The following RNF125 variants were observed in gnomAD, a reference collection of about 807,000 sequenced individuals.
The protein encoded by RNF125 is E3 ubiquitin-protein ligase RNF125.
Under a neutral mutation model 26.0 loss-of-function variants are expected in RNF125, and 21 were observed. The observed-to-expected ratio is 0.81, with a 90% CI of 0.57 to 1.16. RNF125 has a LOEUF of 1.16. Ranked by LOEUF, RNF125 falls within the 50% of genes most tolerant of loss-of-function variation. The pLI is 0.00. For synonymous variants in RNF125, 95 were observed against 109.2 expected (o/e 0.87, Z 0.81); for missense variants, 270 against 299.4 (o/e 0.90, Z 0.72).
At chr18:32,039,144 G>A (rs1485322065) in intron 2 of RNF125, among the ~76,000 whole-genome samples, 3 of 149,964 alleles carry the variant, frequency 2.0e-5, no homozygotes, top group Non-Finnish European at 3.0e-5. Context: ...GCTCATGCCT[G>A]TAATCCCAGC....
At position 32,068,283 on chromosome 18, in the gene RNF125, T is replaced by G; in HGVS notation, c.613-15T>G. ...ATTGACTCTGAATATTTCTAATTATTTTTCTTTATTGTAGGATTTTAATAT... is the reference window on the plus strand; with the variant it reads ...ATTGACTCTGAATATTTCTAATTATGTTTCTTTATTGTAGGATTTTAATAT... On this transcript the variant is annotated splice_polypyrimidine_tract_variant and intron_variant, in intron 5 of 5. Transcript: ENST00000217740. The G allele has an allele frequency of 7.2e-7, 1 of 1,383,754 alleles. No homozygotes were observed. Among genetic ancestry groups the G allele is most frequent in the Non-Finnish European group, 1.0e-6 (1 of 973,576 alleles). The allele number at this position is 1,383,754 out of a possible 1,614,324, so 85.7% of individuals were successfully genotyped here.
intron 2 of RNF125, among the ~76,000 whole-genome samples, chr18:32,040,451 T>C (rs1330090854): frequency 6.6e-6 from 1 of 151,826 alleles, no homozygotes; most frequent in Non-Finnish European, 1.5e-5. Context: ...TTTGTATCTT[T>C]AGTAGAGAGG....
chr18:32,048,922 T>C (rs907564931), intron 4 of RNF125, among the ~76,000 whole-genome samples: 1 of 152,178 alleles, frequency 6.6e-6, no homozygotes, highest in African/African-American at 2.4e-5. Flanking sequence ...TTTACTGAGT[T>C]ATAAGTATTT....
intron 1 of RNF125, chr18:32,030,984 C>T (rs1311608718): frequency 6.6e-6 from 1 of 152,196 alleles, no homozygotes; most frequent in Non-Finnish European, 1.5e-5. Flanking sequence ...AAAGCCACTT[C>T]TGCAAGAACT....
the RNF125 span, among the ~76,000 whole-genome samples, chr18:32,081,653 G>A: frequency 2.0e-5 from 3 of 151,982 alleles, 1 homozygote; most frequent in Non-Finnish European, 4.4e-5. Flanking sequence ...TAAGGTACTG[G>A]GGTTAGAACT....
intron 1 of RNF125, among the ~76,000 whole-genome samples, chr18:32,028,690 C>A (rs2039064227): frequency 6.7e-6 from 1 of 150,002 alleles, no homozygotes; most frequent in South Asian, 2.1e-4. Context: ...GTAGCTGGGA[C>A]TACAGGTGTG....
intron 4 of RNF125, among the ~76,000 whole-genome samples, chr18:32,049,670 C>T (rs1022332986): frequency 1.3e-5 from 2 of 151,958 alleles, no homozygotes; most frequent in Non-Finnish European, 2.9e-5. Flanking sequence ...GCTATCATGG[C>T]CTTGAAGCAG....
downstream of RNF125, among the ~76,000 whole-genome samples, chr18:32,073,468 C>T (rs2144526789): frequency 6.6e-6 from 1 of 152,278 alleles, no homozygotes; most frequent in African/African-American, 2.4e-5. Flanking sequence ...CACAAGACAG[C>T]CCCTTGCAAC....
chr18:32,041,367 C>A (rs1414238531), intron 2 of RNF125, among the ~76,000 whole-genome samples: 1 of 152,202 alleles, frequency 6.6e-6, no homozygotes, highest in South Asian at 2.1e-4. Context: ...GTATTTATAT[C>A]TTTCCCTAAG....
chr18:32,020,002 CTGTGTGTGTGTGTGTGTG>C (rs149126113), intron 1 of RNF125, among the ~76,000 whole-genome samples: 4 of 149,964 alleles, frequency 2.7e-5, no homozygotes, highest in African/African-American at 7.4e-5. Context: ...TCTCTGTTTA[CTGTGTGTGTGTGTGTGTG>C]TGTGTGTGTG....
chr18:32,021,246 AT>A (rs1227466073), intron 1 of RNF125, among the ~76,000 whole-genome samples: 1 of 152,030 alleles, frequency 6.6e-6, no homozygotes, highest in Non-Finnish European at 1.5e-5. Flanking sequence ...CGCCCGGCTA[AT>A]TTTTTTGTAT....
At chr18:32,062,678 A>G (rs954892211) in intron 4 of RNF125, among the ~76,000 whole-genome samples, 4 of 152,220 alleles carry the variant, frequency 2.6e-5, no homozygotes, top group African/African-American at 7.2e-5. Flanking sequence ...CCAAGTTGAT[A>G]AATTGGACAC....
chr18:32,069,513 C>T lies in RNF125; in HGVS notation c.*1129C>T, dbSNP rs1229492232. Reference sequence around the variant, plus strand: ...AATTATGAAATAAAAGTACTGAAAACCAGACACAAAATTTATAGCTGAATG... The same window carrying T: ...AATTATGAAATAAAAGTACTGAAAATCAGACACAAAATTTATAGCTGAATG... On this transcript the variant is annotated 3_prime_UTR_variant, in exon 6 of 6. Coordinates refer to ENST00000217740, the MANE Select transcript of RNF125 (RefSeq NM_017831.4). 6.6e-6 allele frequency: 1 copy of T among 151,988 alleles called. No homozygotes were observed. The highest frequency in any genetic ancestry group is 1.5e-5 in the Non-Finnish European group (1 of 67,996). 9.4% of individuals were successfully genotyped at this position (151,988 alleles called of 1,614,324 possible). A position where few individuals can be genotyped will look rare whatever the true frequency, so the allele number is the denominator to read the frequency against.
At chr18:32,067,079 T>C (rs1025235464) in intron 5 of RNF125, among the ~76,000 whole-genome samples, 4 of 152,130 alleles carry the variant, frequency 2.6e-5, no homozygotes, top group Non-Finnish European at 5.9e-5. Flanking sequence ...GGTGAAACCC[T>C]GTCTCTACTA....
chr18:32,061,052 T>C (rs907663501), intron 4 of RNF125, among the ~76,000 whole-genome samples: 1 of 152,064 alleles, frequency 6.6e-6, no homozygotes, highest in Non-Finnish European at 1.5e-5. Context: ...TTTCAGACAG[T>C]CTTGCTCTGG....
chr18:32,043,523 A>G (rs2039239640), intron 3 of RNF125, among the ~76,000 whole-genome samples: 1 of 152,236 alleles, frequency 6.6e-6, no homozygotes, highest in African/African-American at 2.4e-5. Flanking sequence ...CTGACTTTAT[A>G]AATTTCAAAT....
the RNF125 span, among the ~76,000 whole-genome samples, chr18:32,081,893 A>G: frequency 6.6e-6 from 1 of 152,210 alleles, no homozygotes; most frequent in African/African-American, 2.4e-5. Context: ...TGTGAGTAGA[A>G]AAAAGGAAGT....
At chr18:32,035,560 T>C (rs1428176013) in intron 1 of RNF125, among the ~76,000 whole-genome samples, 2 of 152,194 alleles carry the variant, frequency 1.3e-5, no homozygotes, top group African/African-American at 2.4e-5. Context: ...ATTCATACAA[T>C]AGACTTCACA....
At chr18:32,053,303 A>T (rs1033435182) in intron 4 of RNF125, among the ~76,000 whole-genome samples, 6 of 152,202 alleles carry the variant, frequency 3.9e-5, no homozygotes, top group African/African-American at 1.4e-4. Context: ...TGGAGGTTGT[A>T]GTGAGCCGAG....
Sources: allele counts gnomAD v4.1 joint callset (sites outside exome capture counted in the v4.1 genomes callset), GRCh38; gene constraint gnomAD v4.1.1; transcripts MANE v1.5; gene names NCBI Gene and HGNC (gene_info 2026-07-23, HGNC 2026-07-21).